KCND3: variants seen among roughly 807,000 people sequenced by gnomAD.
The protein encoded by KCND3 is A-type voltage-gated potassium channel KCND3.
A neutral mutation model predicts 51.1 loss-of-function variants in KCND3; 9 were observed. That is an observed-to-expected ratio of 0.18 (90% CI 0.11 to 0.31). KCND3 has a LOEUF of 0.31. Among genes scored for constraint, KCND3 ranks in the 10% least tolerant of loss-of-function variants. KCND3 has a pLI of 1.00. For missense variants in KCND3, 526 were observed against 903.8 expected (o/e 0.58, Z 5.36); for synonymous variants, 349 against 368.0 (o/e 0.95, Z 0.59).
intron 2 of KCND3, among the ~76,000 whole-genome samples, chr1:111,976,265 C>T (rs369574180): frequency 1.5e-4 from 23 of 152,304 alleles, no homozygotes; most frequent in East Asian, 9.6e-4. Context: ...CAGGAAAAAG[C>T]GTAGCCAAGT....
chr1:111,912,767 TA>T (rs931643935), intron 2 of KCND3, among the ~76,000 whole-genome samples: 17 of 152,326 alleles, frequency 1.1e-4, no homozygotes, highest in Admixed American at 9.1e-4. Context: ...CCCCCTTTTT[TA>T]AAATAGAAAA....
intron 2 of KCND3, among the ~76,000 whole-genome samples, chr1:111,964,775 G>C (rs909401678): frequency 4.6e-5 from 7 of 152,186 alleles, no homozygotes; most frequent in African/African-American, 1.4e-4. Flanking sequence ...ACCAGGGAGG[G>C]ACTAAGCAAT....
At chr1:111,801,654 C>T (rs1488991282) in intron 2 of KCND3, among the ~76,000 whole-genome samples, 1 of 152,144 alleles carries the variant, frequency 6.6e-6, no homozygotes, top group Non-Finnish European at 1.5e-5. Flanking sequence ...CACCAGGTGT[C>T]CCCCACTCTT....
At chr1:111,879,084 T>C (rs1434314247) in intron 2 of KCND3, among the ~76,000 whole-genome samples, 1 of 152,204 alleles carries the variant, frequency 6.6e-6, no homozygotes, top group East Asian at 1.9e-4. Flanking sequence ...CAGCTCTCCT[T>C]AGGTCTTGAG....
chr1:111,962,206 G>T (rs1267324260), intron 2 of KCND3, among the ~76,000 whole-genome samples: 1 of 152,182 alleles, frequency 6.6e-6, no homozygotes, highest in African/African-American at 2.4e-5. Context: ...TTCACAGGTG[G>T]GTTTCTGTTT....
At position 111,826,122 on chromosome 1, in the gene KCND3, G is replaced by A. The variant is rs947016719; in HGVS notation, c.1107-39016C>T. Among the ~76,000 whole-genome samples the A allele has an allele frequency of 3.3e-5, 5 of 152,236 alleles. No individual in the cohort carries two copies. In the East Asian group the frequency reaches 5.8e-4, roughly 18 times the overall value. The stretch of plus-strand genomic sequence containing the variant: ...AAGCTAGCTTTATTTCTTCTTTAGC[G>A]AATTGTTTATTACATCCTTGATTCA... On this transcript the variant is annotated intron_variant, in intron 2 of 7. Transcript: ENST00000302127.
At chr1:111,785,057 T>G (rs184194570) in intron 3 of KCND3, among the ~76,000 whole-genome samples, 2 of 152,140 alleles carry the variant, frequency 1.3e-5, no homozygotes, top group African/African-American at 4.8e-5. Context: ...TCTAAAATAA[T>G]AATAATAATA....
At chr1:111,866,422 G>A (rs1668575867) in intron 2 of KCND3, among the ~76,000 whole-genome samples, 2 of 151,744 alleles carry the variant, frequency 1.3e-5, no homozygotes, top group South Asian at 4.1e-4. Flanking sequence ...GCGCCACCAT[G>A]CCCAGTCAAT....
chr1:111,820,429 T>C (rs1666291906), intron 2 of KCND3, among the ~76,000 whole-genome samples: 1 of 152,240 alleles, frequency 6.6e-6, no homozygotes, highest in South Asian at 2.1e-4. Flanking sequence ...CAATTAATAA[T>C]AATAGTTGTA....
At chr1:111,808,891 CT>C (rs1439111883) in intron 2 of KCND3, among the ~76,000 whole-genome samples, 1 of 152,240 alleles carries the variant, frequency 6.6e-6, no homozygotes, top group Admixed American at 6.5e-5. Context: ...TGTATGTTGA[CT>C]TTAAGTGTCT....
At chr1:111,798,696 A>G (rs1031712756) in intron 2 of KCND3, among the ~76,000 whole-genome samples, 2 of 151,638 alleles carry the variant, frequency 1.3e-5, no homozygotes, top group African/African-American at 4.9e-5. Context: ...TGGTACCTAG[A>G]ACCATGCCTG....
At chr1:111,856,064 G>A (rs1455823552) in intron 2 of KCND3, among the ~76,000 whole-genome samples, 1 of 152,212 alleles carries the variant, frequency 6.6e-6, no homozygotes, top group African/African-American at 2.4e-5. Flanking sequence ...CCAGCCAGAA[G>A]CCAGGATGGA....
chr1:111,813,821 T>C (rs1387966300), intron 2 of KCND3, among the ~76,000 whole-genome samples: 2 of 152,188 alleles, frequency 1.3e-5, no homozygotes, highest in African/African-American at 4.8e-5. Context: ...TCCCATTATA[T>C]AGATGAGGAA....
chr1:111,794,499 C>T (rs1664975198), intron 2 of KCND3, among the ~76,000 whole-genome samples: 1 of 152,242 alleles, frequency 6.6e-6, no homozygotes, highest in African/African-American at 2.4e-5. Flanking sequence ...CTCAGCCTCA[C>T]TGCCACACCC....
chr1:111,934,552 C>T (rs9429423), intron 2 of KCND3, among the ~76,000 whole-genome samples: 49,467 of 152,044 alleles, frequency 0.33, 8,237 homozygotes, highest in Non-Finnish European at 0.37. Context: ...ACCAGCGCCC[C>T]GCCAGACTCG....
intron 2 of KCND3, among the ~76,000 whole-genome samples, chr1:111,875,596 C>T (rs1669013581): frequency 6.6e-6 from 1 of 152,200 alleles, no homozygotes; most frequent in Admixed American, 6.5e-5. Flanking sequence ...CCTCTGTGTT[C>T]CTTCCCGGGA....
intron 2 of KCND3, among the ~76,000 whole-genome samples, chr1:111,813,955 C>T (rs749863313): frequency 4.6e-5 from 7 of 152,232 alleles, no homozygotes; most frequent in South Asian, 2.1e-4. Flanking sequence ...TGCTGGGGGC[C>T]GTGCCCCACC....
At position 111,982,203 on chromosome 1, in the gene KCND3, T is replaced by C; in HGVS notation, c.524A>G (p.Asn175Ser). 1 of 1,613,344 alleles carries C rather than the reference T, an allele frequency of 6.2e-7. No homozygotes were observed. Among genetic ancestry groups the C allele is most frequent in the Non-Finnish European group, 8.5e-7 (1 of 1,179,824 alleles). Residue 175 changes from asparagine (N) to serine (S), a missense_variant, in exon 2 of 8, where the codon AAC (asparagine) becomes AGC (serine). Around this residue, in one of 5 missense-constraint regions of KCND3, gnomAD observed 159 missense variants for 262.8 expected, o/e 0.61. Transcript: ENST00000302127. This position sits in a 1 kb window ranked among gnomAD's most constrained non-coding sequence, Gnocchi z 8.5. ...CAGGGCCAGCGTGCTGGTGTGGGGG[T>C]TCTCGAAGGCCCGCCACATGGTCTG... is the stretch of plus-strand genomic sequence containing the variant. ...FRQTMWRAFE[N>S]PHTSTLALVF... is the part of the protein sequence containing the mutation.
intron 2 of KCND3, among the ~76,000 whole-genome samples, chr1:111,951,157 CAAAAAAAAAAAA>C (rs71081206): frequency 9.8e-5 from 3 of 30,638 alleles, no homozygotes; most frequent in Admixed American, 3.0e-4. Context: ...CAAACAAGAG[CAAAAAAAAAAAA>C]AAAAAAAAAA....
Sources: gnomAD v4.1 joint callset for allele counts (sites outside exome capture counted in the v4.1 genomes callset) on GRCh38, gnomAD v4.1.1 for gene constraint, gnomAD v4.1.1 regional missense constraint, Gnocchi (gnomAD v3.1) non-coding constraint, MANE v1.5 for transcripts, NCBI Gene and HGNC (gene_info 2026-07-23, HGNC 2026-07-21) for gene names.